The following FRYL variants were observed in gnomAD, a reference collection of about 807,000 sequenced individuals.
The protein encoded by FRYL is FRY like transcription coactivator.
A neutral mutation model predicts 351.2 loss-of-function variants in FRYL; 150 were observed. That is an observed-to-expected ratio of 0.43 (90% CI 0.37 to 0.49). The LOEUF (loss-of-function observed/expected upper bound fraction) is 0.49. Ranked by LOEUF, FRYL falls within the 20% of genes least tolerant of loss-of-function variation. FRYL has a pLI of 0.00. For missense variants in FRYL, 3,036 were observed against 3,619.3 expected (o/e 0.84, Z 4.13); for synonymous variants, 1,153 against 1,257.1 (o/e 0.92, Z 1.75).
chr4:48,744,653 T>A (rs1353093240), intron 1 of FRYL, among the ~76,000 whole-genome samples: 1 of 152,154 alleles, frequency 6.6e-6, no homozygotes, highest in African/African-American at 2.4e-5. Flanking sequence ...CAGTTAACAG[T>A]GACATGTGAA....
At chr4:48,778,375 C>G (rs889818827) in intron 1 of FRYL, among the ~76,000 whole-genome samples, 8 of 151,556 alleles carry the variant, frequency 5.3e-5, no homozygotes, top group African/African-American at 1.9e-4. Context: ...ACAGAATTCC[C>G]TCTTTTAGAG....
chr4:48,624,901 C>T (rs986661306), intron 4 of FRYL, among the ~76,000 whole-genome samples: 22 of 152,138 alleles, frequency 1.4e-4, no homozygotes, highest in African/African-American at 3.1e-4. Flanking sequence ...CCTGCCTGAC[C>T]GACTTGAGCT....
intron 1 of FRYL, among the ~76,000 whole-genome samples, chr4:48,727,725 A>C (rs1770239284): frequency 6.6e-6 from 1 of 152,214 alleles, no homozygotes. Flanking sequence ...TGCCCTCAGG[A>C]GAAACTATTT....
intron 1 of FRYL, among the ~76,000 whole-genome samples, chr4:48,726,630 C>T (rs1406915604): frequency 2.0e-5 from 3 of 152,062 alleles, no homozygotes; most frequent in Admixed American, 6.5e-5. Flanking sequence ...TGCAGTGAGC[C>T]GAGATCATGC....
rs1045769774 is a variant in FRYL, at chr4:48,605,228, C to T, written c.834+513G>A. Among the ~76,000 whole-genome samples, 8 of 152,118 alleles carry T rather than the reference C, an allele frequency of 5.3e-5. 1 individual carries two copies. Among genetic ancestry groups the T allele is most frequent in the South Asian group, 4.1e-4 (2 of 4,832 alleles). Reference sequence around the variant, plus strand: ...AATGCAAAACAGGTTTTAAAAAACACGTCAATCACTCTCATTAATATTTCA... The same window carrying T: ...AATGCAAAACAGGTTTTAAAAAACATGTCAATCACTCTCATTAATATTTCA... On this transcript the variant is annotated intron_variant, in intron 11 of 63. Coordinates refer to ENST00000358350, the MANE Select transcript of FRYL (RefSeq NM_015030.2).
intron 1 of FRYL, among the ~76,000 whole-genome samples, chr4:48,756,004 G>A (rs1319737124): frequency 1.3e-5 from 2 of 151,618 alleles, no homozygotes; most frequent in Non-Finnish European, 2.9e-5. Flanking sequence ...GAGGCCGAGG[G>A]AAGAGAACTG....
intron 19 of FRYL, among the ~76,000 whole-genome samples, chr4:48,584,827 T>C (rs995694131): frequency 1.3e-5 from 2 of 152,188 alleles, no homozygotes; most frequent in African/African-American, 4.8e-5. Flanking sequence ...GCTTCCTTTA[T>C]GGTAAAGTAA....
chr4:48,630,124 C>A (rs1456984558), intron 4 of FRYL, among the ~76,000 whole-genome samples: 1 of 152,094 alleles, frequency 6.6e-6, no homozygotes, highest in Non-Finnish European at 1.5e-5. Flanking sequence ...ACTGTAGGAA[C>A]CTTCTTTGGG....
At chr4:48,716,050 G>C (rs959739567) in intron 1 of FRYL, among the ~76,000 whole-genome samples, 2 of 152,188 alleles carry the variant, frequency 1.3e-5, no homozygotes, top group African/African-American at 4.8e-5. Context: ...AATAAATGGT[G>C]CTGGGAAAAC....
chr4:48,605,170 G>A (rs1196215613), intron 11 of FRYL, among the ~76,000 whole-genome samples: 6 of 152,150 alleles, frequency 3.9e-5, no homozygotes, highest in Non-Finnish European at 8.8e-5. Context: ...TTTAATTTAT[G>A]AGTTTTGTGT....
At chr4:48,606,665 T>C (rs1746907522) in intron 9 of FRYL, 59 bp from the exon 10 acceptor site, 2 of 1,370,980 alleles carry the variant, frequency 1.5e-6, no homozygotes, top group East Asian at 2.3e-5. Flanking sequence ...TTCCACATGA[T>C]ATTTAAGGGT....
chr4:48,584,087 A>G (rs1741547621), intron 19 of FRYL, among the ~76,000 whole-genome samples: 2 of 152,202 alleles, frequency 1.3e-5, no homozygotes, highest in African/African-American at 2.4e-5. Flanking sequence ...ATGATAAACA[A>G]GAAATTCTTT....
chr4:48,534,982 A>C (rs1728547420), intron 48 of FRYL, among the ~76,000 whole-genome samples: 1 of 152,126 alleles, frequency 6.6e-6, no homozygotes, highest in Non-Finnish European at 1.5e-5. Context: ...AGTGACTAGG[A>C]ATCTCTTGCT....
At chr4:48,682,976 T>C (rs1339219341) in intron 3 of FRYL, among the ~76,000 whole-genome samples, 1 of 152,204 alleles carries the variant, frequency 6.6e-6, no homozygotes, top group African/African-American at 2.4e-5. Flanking sequence ...CACGTATGTA[T>C]ATTGCGGCAC....
At chr4:48,711,458 A>T (rs1293289953) in intron 1 of FRYL, among the ~76,000 whole-genome samples, 4 of 152,252 alleles carry the variant, frequency 2.6e-5, no homozygotes. Context: ...AGTCTCACTG[A>T]TTGCTAGCAC....
intron 1 of FRYL, among the ~76,000 whole-genome samples, chr4:48,763,871 C>T (rs916190327): frequency 3.3e-5 from 5 of 152,168 alleles, no homozygotes; most frequent in Admixed American, 3.3e-4. Context: ...ACCAATTAAA[C>T]TAACAAATGA....
At chr4:48,625,087 G>A (rs1028316249) in intron 4 of FRYL, among the ~76,000 whole-genome samples, 1 of 152,092 alleles carries the variant, frequency 6.6e-6, no homozygotes, top group African/African-American at 2.4e-5. Context: ...CTTTCTGACT[G>A]CAGATTTTGG....
At chr4:48,699,384 G>A (rs1234114178) in intron 2 of FRYL, among the ~76,000 whole-genome samples, 2 of 152,068 alleles carry the variant, frequency 1.3e-5, no homozygotes, top group African/African-American at 4.8e-5. Flanking sequence ...AAATAGTGGG[G>A]GATGGGAAAG....
Position 48,576,215 on chromosome 4 carries a change from T to C in FRYL, c.2536A>G (p.Ile846Val). Residue 846 changes from isoleucine to valine, a missense_variant, in exon 24 of 64, where the codon ATC (isoleucine) becomes GTC (valine). Around this residue, in one of 7 missense-constraint regions of FRYL, gnomAD observed 492 missense variants for 551.5 expected, o/e 0.89. Coordinates refer to ENST00000358350, the MANE Select transcript of FRYL (RefSeq NM_015030.2). The stretch of plus-strand genomic sequence containing the variant: ...GTGGTATTTACTTTCTTAGCATTGA[T>C]GGGGCTACTAAGGAAAAAAAAAGAA... ...LSPQVDINSP[I>V]NAKKVNTTTS... The C allele has an allele frequency of 6.3e-7, 1 of 1,598,444 alleles. No homozygotes were observed. The highest frequency in any genetic ancestry group is 8.5e-7 in the Non-Finnish European group (1 of 1,173,488).
Sources: gnomAD v4.1 joint callset for allele counts (sites outside exome capture counted in the v4.1 genomes callset) on GRCh38, gnomAD v4.1.1 for gene constraint, gnomAD v4.1.1 regional missense constraint, MANE v1.5 for transcripts, NCBI Gene and HGNC (gene_info 2026-07-23, HGNC 2026-07-21) for gene names.